ARHGEF10L: variants seen among roughly 807,000 people sequenced by gnomAD.
ARHGEF10L encodes Rho guanine nucleotide exchange factor 10 like, also known as rho guanine nucleotide exchange factor 10-like protein.
Under a neutral mutation model 141.2 loss-of-function variants are expected in ARHGEF10L, and 69 were observed. That is an observed-to-expected ratio of 0.49 (90% CI 0.40 to 0.60). The LOEUF is 0.60. ARHGEF10L is among the 20% of genes least tolerant of loss of function. The pLI is 0.00. For missense variants in ARHGEF10L, 1,482 were observed against 1,734.3 expected, an observed-to-expected ratio of 0.85 and a Z score of 2.58; for synonymous variants, 711 against 718.5, an observed-to-expected ratio of 0.99 and a Z score of 0.17.
intron 21 of ARHGEF10L, among the ~76,000 whole-genome samples, chr1:17,640,691 A>T (rs1028133085): frequency 4.6e-5 from 7 of 152,216 alleles, no homozygotes; most frequent in Non-Finnish European, 1.0e-4. Context: ...TGACTACACC[A>T]AAAATCAGTG....
At chr1:17,588,849 AGTGT>A (rs57719075) in intron 4 of ARHGEF10L, among the ~76,000 whole-genome samples, 32 of 20,432 alleles carry the variant, frequency 1.6e-3, no homozygotes, top group South Asian at 4.7e-3. Flanking sequence ...GAGGGTCCCC[AGTGT>A]GTGTGTGTGT....
chr1:17,599,555 C>T (rs948109284), intron 4 of ARHGEF10L, among the ~76,000 whole-genome samples: 3 of 152,150 alleles, frequency 2.0e-5, no homozygotes, highest in Non-Finnish European at 4.4e-5. Context: ...GATGTGGCGC[C>T]TTCAGGATGT....
chr1:17,621,833 G>A lies in ARHGEF10L; in HGVS notation c.943-31G>A, dbSNP rs1314150000. On this transcript the variant is annotated intron_variant, in intron 10 of 28. Coordinates refer to ENST00000361221, the MANE Select transcript of ARHGEF10L (RefSeq NM_018125.4). The surrounding 1 kb of genome is among the most constrained non-coding windows in gnomAD (Gnocchi z 4.1). Reference sequence around the variant, plus strand: ...TTGGGCCCTGTGCAGCAGGTGTCATGTGCGCTGACCGTGCTTTTTGGCCCG... The same window carrying A: ...TTGGGCCCTGTGCAGCAGGTGTCATATGCGCTGACCGTGCTTTTTGGCCCG... The A allele has an allele frequency of 6.2e-7, 1 of 1,609,622 alleles. No individual in the cohort carries two copies. The highest frequency in any genetic ancestry group is 1.1e-5 in the South Asian group (1 of 90,990).
chr1:17,686,726 G>A (rs138575701), intron 26 of ARHGEF10L, among the ~76,000 whole-genome samples: 6 of 152,308 alleles, frequency 3.9e-5, no homozygotes, highest in African/African-American at 1.4e-4. Context: ...CAGCACTGGG[G>A]CCCCGAATGC....
In ARHGEF10L at chr1:17,621,168, C is replaced by T. The variant is rs1439280132; in HGVS notation, c.943-696C>T. 6.6e-6 allele frequency among the ~76,000 whole-genome samples: 1 copy of T among 152,270 alleles called. No homozygotes were observed. The highest frequency in any genetic ancestry group is 3.4e-3 in the Middle Eastern group (1 of 294). On this transcript the variant is annotated intron_variant, in intron 10 of 28. Transcript: ENST00000361221. The surrounding 1 kb of genome is among the most constrained non-coding windows in gnomAD (Gnocchi z 4.1). ...GGCCTGTCTTGTGGAAGAGGGATAG[C>T]TCAAGGATTTCATTCGCAAGTGAAG... is the stretch of plus-strand genomic sequence containing the variant.
chr1:17,589,826 G>C (rs558600837), intron 4 of ARHGEF10L, among the ~76,000 whole-genome samples: 17 of 152,312 alleles, frequency 1.1e-4, no homozygotes, highest in Admixed American at 1.1e-3. Context: ...GGGAGATGCA[G>C]ATGCGTCAGA....
chr1:17,602,309 CTG>C (rs2080762952), intron 5 of ARHGEF10L, 91 bp downstream of exon 5: 2 of 1,400,778 alleles, frequency 1.4e-6, no homozygotes, highest in Non-Finnish European at 2.0e-6. Flanking sequence ...ATGTGGGCTC[CTG>C]TGAGCCCAGG....
At chr1:17,630,667 A>G (rs2060630603) in intron 15 of ARHGEF10L, among the ~76,000 whole-genome samples, 1 of 152,202 alleles carries the variant, frequency 6.6e-6, no homozygotes, top group Non-Finnish European at 1.5e-5. Flanking sequence ...TCAGCGAGTC[A>G]CTTTACCCCT....
intron 7 of ARHGEF10L, among the ~76,000 whole-genome samples, chr1:17,611,356 A>G (rs1009904248): frequency 1.3e-5 from 2 of 152,182 alleles, no homozygotes; most frequent in African/African-American, 4.8e-5. Flanking sequence ...ACAATATTGA[A>G]CATTTGCCTA....
At chr1:17,515,280 T>A in the ARHGEF10L span, among the ~76,000 whole-genome samples, 1 of 136,656 alleles carries the variant, frequency 7.3e-6, no homozygotes, top group Non-Finnish European at 1.6e-5. Context: ...AGATATTATT[T>A]CTTTTTCTCT....
the ARHGEF10L span, among the ~76,000 whole-genome samples, chr1:17,515,681 C>A: frequency 1.9e-3 from 281 of 151,830 alleles, 1 homozygote; most frequent in African/African-American, 6.4e-3. Context: ...CTTGCTCTGT[C>A]ACTCAAGCTA....
At chr1:17,534,536 C>T in the ARHGEF10L span, among the ~76,000 whole-genome samples, 37 of 151,768 alleles carry the variant, frequency 2.4e-4, no homozygotes, top group African/African-American at 8.7e-4. Context: ...GCTGGGATTA[C>T]AGGCATGAGT....
chr1:17,622,042 G>T, intron 11 of ARHGEF10L, 101 bp downstream of exon 11: 1 of 1,256,128 alleles, frequency 8.0e-7, no homozygotes, highest in East Asian at 2.4e-5. Flanking sequence ...GCAGTTTTAA[G>T]GGGACAGGAC....
chr1:17,538,969 G>A (rs1281056624), upstream of ARHGEF10L, among the ~76,000 whole-genome samples: 2 of 152,218 alleles, frequency 1.3e-5, no homozygotes, highest in Non-Finnish European at 2.9e-5. Context: ...AATTTCAGGA[G>A]GGAGTACCTA....
intron 4 of ARHGEF10L, among the ~76,000 whole-genome samples, chr1:17,596,547 G>T (rs1167910907): frequency 1.3e-5 from 2 of 152,198 alleles, no homozygotes; most frequent in African/African-American, 4.8e-5. Context: ...CCTGGCAAGG[G>T]CCCCAGAATG....
chr1:17,530,328 A>T, the ARHGEF10L span, among the ~76,000 whole-genome samples: 1 of 152,156 alleles, frequency 6.6e-6, no homozygotes, highest in Non-Finnish European at 1.5e-5. Flanking sequence ...ACCCCCACTT[A>T]ATCAGCTCTG....
intron 26 of ARHGEF10L, among the ~76,000 whole-genome samples, chr1:17,684,786 G>A (rs1265281105): frequency 1.3e-5 from 2 of 152,300 alleles, no homozygotes; most frequent in Admixed American, 1.3e-4. Context: ...CCTGTTCCAA[G>A]AGCAGCCTGA....
the ARHGEF10L span, among the ~76,000 whole-genome samples, chr1:17,516,589 G>A: frequency 5.9e-5 from 9 of 152,326 alleles, no homozygotes; most frequent in African/African-American, 2.2e-4. Context: ...CCCGGTGGGT[G>A]AGATGAGAAG....
intron 27 of ARHGEF10L, chr1:17,691,137 T>A: frequency 8.8e-6 from 4 of 456,050 alleles, no homozygotes; most frequent in South Asian, 6.2e-5. Flanking sequence ...ATTAATAAAA[T>A]GTTCTCCAAG....
Sources: allele counts gnomAD v4.1 joint callset (sites outside exome capture counted in the v4.1 genomes callset), GRCh38; gene constraint gnomAD v4.1.1; non-coding constraint Gnocchi (gnomAD v3.1); transcripts MANE v1.5; gene names NCBI Gene and HGNC (gene_info 2026-07-23, HGNC 2026-07-21).